The following GNL2 variants were observed in gnomAD, a reference collection of about 807,000 sequenced individuals.
The protein encoded by GNL2 is nucleolar GTP-binding protein 2.
GNL2 carries 51 observed loss-of-function variants against 92.3 expected under a neutral mutation model. The observed-to-expected ratio is 0.55, with a 90% CI of 0.44 to 0.70. GNL2 has a LOEUF of 0.70. GNL2 is among the 30% of genes least tolerant of loss of function. The probability of loss-of-function intolerance (pLI) is 0.00; values close to 1 mark genes in which losing one functional copy is unlikely to be tolerated. For missense variants in GNL2, 844 were observed against 895.6 expected, an observed-to-expected ratio of 0.94 and a Z score of 0.74; for synonymous variants, 283 against 300.6, an observed-to-expected ratio of 0.94 and a Z score of 0.61.
intron 11 of GNL2, 42 bp downstream of exon 11, chr1:37,574,623 T>C (rs1643648152): frequency 6.3e-7 from 1 of 1,590,586 alleles, no homozygotes. Context: ...CATACATGCT[T>C]GTGACAAGTA....
Position 37,575,130 on chromosome 1 carries a change from C to T in GNL2, c.1144-307G>A, listed in dbSNP as rs1449126061. 6.6e-6 allele frequency among the ~76,000 whole-genome samples: 1 copy of T among 152,134 alleles called. No homozygotes were observed. Among genetic ancestry groups the T allele is most frequent in the African/African-American group, 2.4e-5 (1 of 41,426 alleles). On this transcript the variant is annotated intron_variant, in intron 10 of 15. Transcript: ENST00000373062. This position sits in a 1 kb window ranked among gnomAD's most constrained non-coding sequence, Gnocchi z 4.1. ...ACTTGCAGAAATGGTTAAAAGCCTG[C>T]CCATCCCAGGACACAAAAATAATGG...
chr1:37,576,482 A>T lies in GNL2; in HGVS notation c.984T>A (p.Asn328Lys), dbSNP rs1442441480. 1 of 1,613,950 alleles carries T rather than the reference A, an allele frequency of 6.2e-7. No homozygotes were observed. The highest frequency in any genetic ancestry group is 8.5e-7 in the Non-Finnish European group (1 of 1,179,912). The change falls in exon 9 of 16, where the codon AAT becomes AAA. Residue 328 changes from asparagine (N) to lysine (K), a missense_variant. Asn to Lys is a moderately conservative substitution (Grantham distance 94). Coordinates refer to ENST00000373062, the MANE Select transcript of GNL2 (RefSeq NM_013285.3). ...YPNVGKSSVI[N>K]TLRSKKVCNV... ...TGCAAACTTTCTTAGAACGCAATGTATTTATCACAGAGCTCTTGCCAACAT... is the reference window on the plus strand; with the variant it reads ...TGCAAACTTTCTTAGAACGCAATGTTTTTATCACAGAGCTCTTGCCAACAT...
chr1:37,592,720 T>A lies in GNL2; in HGVS notation c.236A>T (p.Lys79Ile). 1 of 1,566,392 alleles carries A rather than the reference T, an allele frequency of 6.4e-7. No homozygotes were observed. Among genetic ancestry groups the A allele is most frequent in the Non-Finnish European group, 8.8e-7 (1 of 1,136,552 alleles). The change falls in exon 3 of 16, where the codon AAA becomes ATA. Residue 79 changes from lysine (K) to isoleucine (I), a missense_variant. Coordinates refer to ENST00000373062, the MANE Select transcript of GNL2 (RefSeq NM_013285.3). Reference protein sequence around the residue: ...GTVARVEPNIKWFGNTRVIKQ... With the variant: ...GTVARVEPNIIWFGNTRVIKQ... ...CAGGGGATAATACTCACCAAACCAT[T>A]TAATATTTGGCTCTACTCTTGCCAC...
intron 3 of GNL2, among the ~76,000 whole-genome samples, chr1:37,591,849 G>C (rs1185107375): frequency 6.6e-6 from 1 of 152,146 alleles, no homozygotes; most frequent in Non-Finnish European, 1.5e-5. Flanking sequence ...TATGAGATAG[G>C]TTTCATCTTA....
At chr1:37,569,376 G>T in intron 12 of GNL2, 74 bp from the exon 13 acceptor site, 1 of 992,706 alleles carries the variant, frequency 1.0e-6, no homozygotes, top group Non-Finnish European at 1.5e-6. Context: ...CTCATATCTT[G>T]CTCTTAAACA....
rs760674003 is a variant in GNL2, at chr1:37,595,814, C to T, written c.9G>A (p.Lys3=). 13 of 1,614,184 alleles carry T rather than the reference C, an allele frequency of 8.1e-6. No individual in the cohort carries two copies. Among genetic ancestry groups the T allele is most frequent in the Non-Finnish European group, 1.1e-5 (13 of 1,179,990 alleles). The change falls in exon 1 of 16, where the codon AAG becomes AAA. Residue 3 remains lysine (K), a synonymous_variant. Coordinates refer to ENST00000373062, the MANE Select transcript of GNL2 (RefSeq NM_013285.3). The part of the protein sequence containing the change: MV[K]PKYKGRSTIN... ...TGGTGCTCCGTCCTTTGTACTTGGG[C>T]TTCACCATCTTGGCGACGAGACCGG...
At position 37,595,923 on chromosome 1, in the gene GNL2, C is replaced by A. The variant is rs1223063209; in HGVS notation, c.-101G>T. On this transcript the variant is annotated 5_prime_UTR_variant, in exon 1 of 16. Coordinates refer to ENST00000373062, the MANE Select transcript of GNL2 (RefSeq NM_013285.3). ...GCCGAAGACACCCGCCTGAACCACG[C>A]CGGACCACGTGTGCACGACGTACGT... 6.4e-6 allele frequency: 6 copies of A among 931,718 alleles called. No individual in the cohort carries two copies. Among genetic ancestry groups the A allele is most frequent in the African/African-American group, 1.6e-5 (1 of 61,750 alleles). The allele number at this position is 931,718 out of a possible 1,614,324, so 57.7% of individuals were successfully genotyped here. A position where few individuals can be genotyped will look rare whatever the true frequency, so the allele number is the denominator to read the frequency against.
chr1:37,594,050 T>C, intron 1 of GNL2: 1 of 542,680 alleles, frequency 1.8e-6, no homozygotes, highest in Admixed American at 3.4e-5. Flanking sequence ...TCTTTGATCT[T>C]CGATAGGATT....
rs1643649137 is a variant in GNL2 at position 37,574,676 on chromosome 1, T to G, written c.1291A>C (p.Lys431Gln). The G allele has an allele frequency of 1.2e-6, 2 of 1,613,654 alleles. No individual in the cohort carries two copies. The highest frequency in any genetic ancestry group is 1.7e-6 in the Non-Finnish European group (2 of 1,179,876). ...FLEKLAFRTG[K>Q]LLKGGEPDLQ... ...AAACGCCGGGTCACCTTTAGTAACT[T>G]CCCAGTCCGGAAAGCGAGCTTCTCA... The change falls in exon 11 of 16, where the codon AAG becomes CAG. Residue 431 changes from lysine (K) to glutamine (Q), a missense_variant. Lys to Gln is a moderately conservative substitution (Grantham distance 53). Coordinates refer to ENST00000373062, the MANE Select transcript of GNL2 (RefSeq NM_013285.3).
chr1:37,585,059 C>CTT (rs556690435), intron 5 of GNL2, among the ~76,000 whole-genome samples: 5 of 125,790 alleles, frequency 4.0e-5, no homozygotes, highest in Admixed American at 8.1e-5. Context: ...TAGAAGAGTA[C>CTT]TTTTTTTTTT....
intron 13 of GNL2, 184 bp from the exon 14 acceptor site, chr1:37,568,541 C>T (rs1351445212): frequency 3.3e-6 from 2 of 604,420 alleles, no homozygotes; most frequent in Non-Finnish European, 5.9e-6. Context: ...GCTTCTCATA[C>T]TGCAGGCAGC....
At chr1:37,578,774 C>T (rs573153424) in intron 8 of GNL2, among the ~76,000 whole-genome samples, 6 of 152,028 alleles carry the variant, frequency 3.9e-5, no homozygotes, top group Non-Finnish European at 8.8e-5. Flanking sequence ...TGCCCAGGCT[C>T]GTCTAGAACT....
intron 5 of GNL2, among the ~76,000 whole-genome samples, chr1:37,584,144 A>C (rs1158431530): frequency 6.6e-6 from 1 of 152,218 alleles, no homozygotes; most frequent in Non-Finnish European, 1.5e-5. Context: ...GATAGCATTC[A>C]ACTTTAAAAA....
At chr1:37,588,251 C>T (rs572008418) in intron 4 of GNL2, among the ~76,000 whole-genome samples, 4 of 151,508 alleles carry the variant, frequency 2.6e-5, no homozygotes, top group East Asian at 3.9e-4. Flanking sequence ...TATCACATAA[C>T]GGAATGTTAA....
chr1:37,588,542 A>G (rs1207835875), intron 4 of GNL2, among the ~76,000 whole-genome samples: 1 of 152,200 alleles, frequency 6.6e-6, no homozygotes, highest in East Asian at 1.9e-4. Context: ...GTCTAATGTC[A>G]CTGGGTAAAA....
chr1:37,595,005 T>C (rs550517153), intron 1 of GNL2, among the ~76,000 whole-genome samples: 2 of 152,378 alleles, frequency 1.3e-5, no homozygotes, highest in East Asian at 3.9e-4. Flanking sequence ...TGTATTTTGA[T>C]TCAGTCTCTT....
intron 3 of GNL2, among the ~76,000 whole-genome samples, chr1:37,591,896 A>T (rs1003596573): frequency 5.9e-5 from 9 of 152,252 alleles, no homozygotes; most frequent in Non-Finnish European, 1.3e-4. Flanking sequence ...ATGAACAGAC[A>T]GACTTAATAA....
intron 4 of GNL2, among the ~76,000 whole-genome samples, chr1:37,589,164 A>G (rs1480812022): frequency 6.6e-6 from 1 of 152,260 alleles, no homozygotes; most frequent in Non-Finnish European, 1.5e-5. Flanking sequence ...TGTTCCCCTG[A>G]AAGAAAACAG....
chr1:37,590,658 T>A (rs1490376327), intron 4 of GNL2, 48 bp downstream of exon 4: 2 of 1,499,852 alleles, frequency 1.3e-6, no homozygotes, highest in Non-Finnish European at 1.9e-6. Context: ...GGGATCTGCA[T>A]GGAGTTTGCC....
Sources: allele counts gnomAD v4.1 joint callset (sites outside exome capture counted in the v4.1 genomes callset), GRCh38; gene constraint gnomAD v4.1.1; non-coding constraint Gnocchi (gnomAD v3.1); transcripts MANE v1.5; gene names NCBI Gene and HGNC (gene_info 2026-07-23, HGNC 2026-07-21).